Variants in COL4A3 observed in about 807,000 individuals in gnomAD.
The protein encoded by COL4A3 is collagen alpha-3(IV) chain.
Under a neutral mutation model 217.4 loss-of-function variants are expected in COL4A3, and 135 were observed. The ratio of observed to expected loss-of-function variants is 0.62; its 90% CI spans 0.54 to 0.72. COL4A3 has a LOEUF of 0.72. Among genes scored for constraint, COL4A3 ranks in the 30% least tolerant of loss-of-function variants. COL4A3 has a pLI of 0.00. For missense variants in COL4A3, 1,868 were observed against 2,119.9 expected (o/e 0.88, Z 2.33); for synonymous variants, 690 against 736.3 (o/e 0.94, Z 1.02).
At chr2:227,281,197 G>C (rs998795551) in intron 31 of COL4A3, among the ~76,000 whole-genome samples, 191 bp downstream of exon 31, 5 of 152,180 alleles carry the variant, frequency 3.3e-5, no homozygotes, top group African/African-American at 1.2e-4. Context: ...ACCTATAAAG[G>C]AAGAAACTTG....
rs1171360432 is a variant in COL4A3, at chr2:227,246,735, C to T, written c.438C>T (p.Ile146=). The part of the protein sequence containing the change: ...GLPGTLGYPG[I]PGAAGLKGQK... ...CAGGGACACTGGGCTACCCAGGGAT[C>T]CCGGTAGGTTTGCATGCCTAATTCC... The change falls in exon 7 of 52, where the codon ATC becomes ATT. Residue 146 remains isoleucine (I), a synonymous_variant. Transcript: ENST00000396578. 2.5e-6 allele frequency: 4 copies of T among 1,611,850 alleles called. No individual in the cohort carries two copies. The highest frequency in any genetic ancestry group is 1.3e-5 in the African/African-American group (1 of 74,976).
chr2:227,202,309 T>C (rs1487419714), intron 1 of COL4A3, among the ~76,000 whole-genome samples: 1 of 152,204 alleles, frequency 6.6e-6, no homozygotes, highest in Admixed American at 6.5e-5. Context: ...TCATGTTTCA[T>C]TGTTCTTCCT....
At chr2:227,305,730 C>A (rs966216753) in intron 47 of COL4A3, 5 of 152,586 alleles carry the variant, frequency 3.3e-5, no homozygotes, top group Non-Finnish European at 7.3e-5. Context: ...AAAGGGAACT[C>A]TTAAGTATAG....
chr2:227,280,298 G>C (rs879680747), intron 29 of COL4A3, 142 bp from the exon 30 acceptor site: 1 of 835,804 alleles, frequency 1.2e-6, no homozygotes, highest in Non-Finnish European at 1.9e-6. Context: ...TTACAGAAAA[G>C]TCAGCAACTA....
chr2:227,199,464 A>G (rs10498214), intron 1 of COL4A3, among the ~76,000 whole-genome samples: 37,854 of 152,166 alleles, frequency 0.25, 5,133 homozygotes, highest in Non-Finnish European at 0.3. Flanking sequence ...ACTTCGGCTC[A>G]TTCAGTCTGC....
At chr2:227,170,589 C>T (rs2065441896) in intron 1 of COL4A3, among the ~76,000 whole-genome samples, 1 of 152,058 alleles carries the variant, frequency 6.6e-6, no homozygotes, top group Non-Finnish European at 1.5e-5. Flanking sequence ...AACTATCTCC[C>T]ACCGAGTCCC....
chr2:227,297,982 C>A, intron 42 of COL4A3, 123 bp downstream of exon 42: 1 of 1,119,420 alleles, frequency 8.9e-7, no homozygotes, highest in African/African-American at 1.5e-5. Context: ...TCCATTCCCC[C>A]ACTACCTGTG....
At chr2:227,210,699 G>T (rs2067284925) in intron 1 of COL4A3, among the ~76,000 whole-genome samples, 1 of 152,252 alleles carries the variant, frequency 6.6e-6, no homozygotes, top group Admixed American at 6.5e-5. Context: ...AACATAAGCA[G>T]TATAACTCCA....
At chr2:227,249,232 T>TATATATATA (rs1559865184) in intron 9 of COL4A3, among the ~76,000 whole-genome samples, 3 of 14,198 alleles carry the variant, frequency 2.1e-4, no homozygotes, top group Non-Finnish European at 3.8e-4. Context: ...ATATATATAT[T>TATATATATA]TTTTTTTTTT....
Position 227,273,048 on chromosome 2 carries a change from C to T in COL4A3, c.1858C>T (p.Pro620Ser), listed in dbSNP as rs2071336671. The T allele has an allele frequency of 1.9e-6, 3 of 1,614,074 alleles. No homozygotes were observed. The highest frequency in any genetic ancestry group is 4.5e-5 in the East Asian group (2 of 44,868). The change falls in exon 26 of 52, where the codon CCC (proline) becomes TCC (serine). Residue 620 changes from proline (P) to serine (S), a missense_variant. By Grantham distance (74) the Pro-to-Ser change is moderately conservative. Around this residue, in one of 2 missense-constraint regions of COL4A3, gnomAD observed 1,503 missense variants for 1,786.1 expected, o/e 0.84. Transcript: ENST00000396578. ...ACCAGCTGGACCACCTGGCTACGGA[C>T]CCCAAGGAGAACCTGGTCTCCAGGG... ...AGPAGPPGYG[P>S]QGEPGLQGTQ...
At chr2:227,209,520 C>T (rs62277833) in intron 1 of COL4A3, among the ~76,000 whole-genome samples, 103 of 152,304 alleles carry the variant, frequency 6.8e-4, no homozygotes, top group African/African-American at 2.3e-3. Flanking sequence ...CTGGGAACTC[C>T]ACCTCCTCTG....
intron 1 of COL4A3, among the ~76,000 whole-genome samples, chr2:227,215,487 C>T (rs2067492247): frequency 6.6e-6 from 1 of 152,104 alleles, no homozygotes; most frequent in African/African-American, 2.4e-5. Context: ...TGCACAGAGT[C>T]TCGCTCTGTC....
At chr2:227,231,369 T>C (rs566222779) in intron 1 of COL4A3, among the ~76,000 whole-genome samples, 1 of 135,806 alleles carries the variant, frequency 7.4e-6, no homozygotes, top group Non-Finnish European at 1.7e-5. Context: ...TTTTATATTA[T>C]TTAAACATTT....
intron 39 of COL4A3, 79 bp downstream of exon 39, chr2:227,294,649 T>G: frequency 1.9e-6 from 2 of 1,061,388 alleles, no homozygotes; most frequent in Non-Finnish European, 2.9e-6. Flanking sequence ...TCTGTAAACC[T>G]ACTACTCTAT....
At chr2:227,181,830 A>G (rs2065876124) in intron 1 of COL4A3, among the ~76,000 whole-genome samples, 1 of 152,210 alleles carries the variant, frequency 6.6e-6, no homozygotes, top group Non-Finnish European at 1.5e-5. Flanking sequence ...TGACGGACAT[A>G]TAGTAGAATT....
rs1454250673 is a variant in COL4A3, at chr2:227,311,773, GT to G, written c.4929-8del. On this transcript the variant is annotated splice_polypyrimidine_tract_variant and intron_variant, in intron 51 of 51. Transcript: ENST00000396578. ...ATAAATAAATGAATTTTTTTGGTTT[GT>G]TTTTATTTCAGAAAGCCTATTCCAT... The G allele has an allele frequency of 6.2e-7, 1 of 1,611,208 alleles. No individual in the cohort carries two copies. Among genetic ancestry groups the G allele is most frequent in the South Asian group, 1.1e-5 (1 of 90,088 alleles).
chr2:227,264,598 C>T (rs556379831), intron 21 of COL4A3: 1 of 154,050 alleles, frequency 6.5e-6, no homozygotes, highest in East Asian at 1.9e-4. Context: ...AGCCACTTAG[C>T]ATTCTGTGTT....
rs1021737017 is a variant in COL4A3 at position 227,164,719 on chromosome 2, C to G, written c.-8C>G. The G allele has an allele frequency of 1.3e-6, 2 of 1,530,522 alleles. No individual in the cohort carries two copies. The highest frequency in any genetic ancestry group is 1.4e-5 in the African/African-American group (1 of 72,534). 94.8% of individuals were successfully genotyped at this position (1,530,522 alleles called of 1,614,324 possible). ...CGGACTCGCCCAGGCTCTGAGCGCG[C>G]GCCCACCATGAGCGCCCGGACCGCC... On this transcript the variant is annotated 5_prime_UTR_variant, in exon 1 of 52. Transcript: ENST00000396578. This position sits in a 1 kb window ranked among gnomAD's most constrained non-coding sequence, Gnocchi z 4.8.
At chr2:227,193,752 GGAAGGAAGGAAGGAAGGAA>G (rs1559809858) in intron 1 of COL4A3, among the ~76,000 whole-genome samples, 13 of 19,052 alleles carry the variant, frequency 6.8e-4, no homozygotes, top group African/African-American at 1.7e-3. Flanking sequence ...AGGGAGGGAA[GGAAGGAAGGAAGGAAGGAA>G]GGAAGGAAGG....
Sources: gnomAD v4.1 joint callset for allele counts (sites outside exome capture counted in the v4.1 genomes callset) on GRCh38, gnomAD v4.1.1 for gene constraint, gnomAD v4.1.1 regional missense constraint, Gnocchi (gnomAD v3.1) non-coding constraint, MANE v1.5 for transcripts, NCBI Gene and HGNC (gene_info 2026-07-23, HGNC 2026-07-21) for gene names.